The following GMDS variants were observed in gnomAD, a reference collection of about 807,000 sequenced individuals.
GMDS encodes GDP-mannose 4,6-dehydratase.
In GMDS, 20 loss-of-function variants were observed where a neutral mutation model predicts 49.9. The ratio of observed to expected loss-of-function variants is 0.40; its 90% CI spans 0.28 to 0.58. The LOEUF is 0.58. Among genes scored for constraint, GMDS ranks in the 20% least tolerant of loss-of-function variants. The pLI is 0.42. For missense variants in GMDS, 362 were observed against 481.4 expected (o/e 0.75, Z 2.32); for synonymous variants, 177 against 178.6 (o/e 0.99, Z 0.07).
At chr6:1,914,887 C>T (rs1761293592) in intron 7 of GMDS, among the ~76,000 whole-genome samples, 1 of 152,206 alleles carries the variant, frequency 6.6e-6, no homozygotes, top group Non-Finnish European at 1.5e-5. Flanking sequence ...CCCTCTCTCC[C>T]ACACAGGCCC....
In GMDS at chr6:2,144,984, G is replaced by C. The variant is rs116288004; in HGVS notation, c.103-20253C>G. 5.7e-3 allele frequency among the ~76,000 whole-genome samples: 865 copies of C among 152,278 alleles called. 2 individuals carry two copies. The highest frequency in any genetic ancestry group is 0.017 in the Middle Eastern group (5 of 294). ...AGGACTTTCCAAGCAAAGGGACTGG[G>C]CAATAAAAAGGCAACCTGGCCAGTC... On this transcript the variant is annotated intron_variant, in intron 1 of 10. Coordinates refer to ENST00000380815, the MANE Select transcript of GMDS (RefSeq NM_001500.4).
chr6:1,637,783 G>A (rs1387545456), intron 9 of GMDS, among the ~76,000 whole-genome samples: 5 of 152,162 alleles, frequency 3.3e-5, no homozygotes, highest in Admixed American at 6.5e-5. Context: ...AGGGTTCCCC[G>A]AGGGCCCTTA....
At chr6:1,689,088 T>C (rs929569923) in intron 9 of GMDS, among the ~76,000 whole-genome samples, 1 of 152,206 alleles carries the variant, frequency 6.6e-6, no homozygotes, top group Non-Finnish European at 1.5e-5. Context: ...ACCTTTTACA[T>C]GGACAGACAC....
At chr6:1,863,901 A>G (rs1222738588) in intron 7 of GMDS, among the ~76,000 whole-genome samples, 1 of 152,180 alleles carries the variant, frequency 6.6e-6, no homozygotes, top group Admixed American at 6.5e-5. Context: ...TAAAAGTTTA[A>G]TATATATTTT....
chr6:2,043,253 T>A (rs918827571), intron 4 of GMDS: 1 of 152,232 alleles, frequency 6.6e-6, no homozygotes, highest in Non-Finnish European at 1.5e-5. Context: ...TGTTGAAAAA[T>A]CCTCAGTTTT....
intron 7 of GMDS, among the ~76,000 whole-genome samples, chr6:1,767,404 G>T (rs917525398): frequency 6.6e-6 from 1 of 152,186 alleles, no homozygotes; most frequent in African/African-American, 2.4e-5. Context: ...AGGAAAAAAA[G>T]ATGGCCAAGC....
chr6:2,154,862 G>GAAAAAAAAAAAAAAA (rs1562103386), intron 1 of GMDS, among the ~76,000 whole-genome samples: 1 of 33,830 alleles, frequency 3.0e-5, no homozygotes, highest in African/African-American at 7.6e-5. Context: ...TTGAAGAGAT[G>GAAAAAAAAAAAAAAA]CAAAAAAAAA....
chr6:1,950,987 T>C (rs191025012), intron 6 of GMDS, among the ~76,000 whole-genome samples: 129 of 152,254 alleles, frequency 8.5e-4, no homozygotes, highest in Non-Finnish European at 1.3e-3. Flanking sequence ...ACACCAATAG[T>C]AGCCCCCTCC....
intron 9 of GMDS, among the ~76,000 whole-genome samples, chr6:1,711,911 G>A (rs962476549): frequency 1.1e-4 from 16 of 152,218 alleles, no homozygotes; most frequent in Non-Finnish European, 1.8e-4. Context: ...GCTGCTGAGA[G>A]CAGCACTGCA....
At chr6:2,156,503 C>T (rs1323075849) in intron 1 of GMDS, among the ~76,000 whole-genome samples, 2 of 152,094 alleles carry the variant, frequency 1.3e-5, no homozygotes, top group Non-Finnish European at 2.9e-5. Flanking sequence ...CAAATAATGA[C>T]TTTCACAACA....
chr6:2,144,963 C>T (rs894040586), intron 1 of GMDS, among the ~76,000 whole-genome samples: 1 of 152,102 alleles, frequency 6.6e-6, no homozygotes, highest in African/African-American at 2.4e-5. Flanking sequence ...AAAAGAAGGA[C>T]TTTCCAAGCA....
At chr6:2,143,813 A>G (rs1776422965) in intron 1 of GMDS, among the ~76,000 whole-genome samples, 2 of 152,226 alleles carry the variant, frequency 1.3e-5, no homozygotes, top group Admixed American at 1.3e-4. Context: ...TCATTTAACT[A>G]TCACCTCCAT....
chr6:1,643,242 G>A (rs529436811), intron 9 of GMDS, among the ~76,000 whole-genome samples: 1 of 152,338 alleles, frequency 6.6e-6, no homozygotes, highest in African/African-American at 2.4e-5. Context: ...GACCAGACAA[G>A]TGTGGGGGGC....
intron 7 of GMDS, among the ~76,000 whole-genome samples, chr6:1,763,472 C>T (rs992813363): frequency 6.6e-5 from 10 of 152,202 alleles, no homozygotes; most frequent in Non-Finnish European, 1.0e-4. Context: ...ACTTCCAGGG[C>T]GCTGCCCTTA....
At chr6:1,827,153 GCACA>G (rs549906355) in intron 7 of GMDS, among the ~76,000 whole-genome samples, 12 of 130,648 alleles carry the variant, frequency 9.2e-5, no homozygotes, top group African/African-American at 3.2e-4. Flanking sequence ...ATATATATAT[GCACA>G]CACACACACA....
intron 7 of GMDS, among the ~76,000 whole-genome samples, chr6:1,856,113 T>G (rs1289297806): frequency 6.6e-6 from 1 of 152,220 alleles, no homozygotes; most frequent in African/African-American, 2.4e-5. Flanking sequence ...GTACATAGAC[T>G]GCCTCAGGGG....
At chr6:2,141,892 T>TCTCTCTC (rs1776315050) in intron 1 of GMDS, among the ~76,000 whole-genome samples, 1 of 96,500 alleles carries the variant, frequency 1.0e-5, no homozygotes, top group African/African-American at 4.8e-5. Flanking sequence ...CTCTCTCTCT[T>TCTCTCTC]CTCTTTCTTC....
chr6:1,926,409 G>A (rs955182024), intron 7 of GMDS, among the ~76,000 whole-genome samples: 1 of 152,184 alleles, frequency 6.6e-6, no homozygotes, highest in Non-Finnish European at 1.5e-5. Flanking sequence ...TCTGAGCAGT[G>A]GGGCACTGAG....
intron 4 of GMDS, among the ~76,000 whole-genome samples, chr6:2,033,455 A>G (rs1242100905): frequency 6.6e-6 from 1 of 152,216 alleles, no homozygotes; most frequent in Non-Finnish European, 1.5e-5. Context: ...TGTATACTGA[A>G]ACTGGTCAGG....
Sources: gnomAD v4.1 joint callset for allele counts (sites outside exome capture counted in the v4.1 genomes callset) on GRCh38, gnomAD v4.1.1 for gene constraint, MANE v1.5 for transcripts, NCBI Gene and HGNC (gene_info 2026-07-23, HGNC 2026-07-21) for gene names.